Variants in SEMA5A observed in about 807,000 individuals in gnomAD.
The protein encoded by SEMA5A is semaphorin-5A.
In SEMA5A, 55 loss-of-function variants were observed where a neutral mutation model predicts 135.5. The ratio of observed to expected loss-of-function variants is 0.41; its 90% CI spans 0.33 to 0.51. The LOEUF is 0.51. Among genes scored for constraint, SEMA5A ranks in the 20% least tolerant of loss-of-function variants. The probability of loss-of-function intolerance (pLI) is 0.37; values close to 1 mark genes in which losing one functional copy is unlikely to be tolerated. For missense variants in SEMA5A, 1,290 were observed against 1,419.9 expected (o/e 0.91, Z 1.47); for synonymous variants, 580 against 546.5 (o/e 1.06, Z -0.85).
At chr5:9,459,783 G>A (rs989191964) in intron 1 of SEMA5A, among the ~76,000 whole-genome samples, 13 of 152,130 alleles carry the variant, frequency 8.5e-5, no homozygotes, top group African/African-American at 2.9e-4. Context: ...TAAATACAGA[G>A]AAAGATAAAT....
intron 10 of SEMA5A, among the ~76,000 whole-genome samples, chr5:9,193,373 A>G (rs944487431): frequency 4.6e-5 from 7 of 152,234 alleles, no homozygotes; most frequent in African/African-American, 2.4e-5. Context: ...ACAATCCACA[A>G]CAGTTTTCAT....
At chr5:9,118,175 T>C (rs754338618) in intron 15 of SEMA5A, among the ~76,000 whole-genome samples, 22 of 152,188 alleles carry the variant, frequency 1.4e-4, no homozygotes, top group Non-Finnish European at 2.5e-4. Context: ...TACATTTTAA[T>C]TAAAATGCAC....
intron 11 of SEMA5A, among the ~76,000 whole-genome samples, chr5:9,172,842 A>C (rs1744001454): frequency 6.6e-6 from 1 of 152,232 alleles, no homozygotes; most frequent in South Asian, 2.1e-4. Flanking sequence ...TTAATTCCTC[A>C]AAGAAACATA....
intron 3 of SEMA5A, among the ~76,000 whole-genome samples, chr5:9,358,367 C>T (rs1754545180): frequency 6.6e-6 from 1 of 152,172 alleles, no homozygotes; most frequent in Non-Finnish European, 1.5e-5. Flanking sequence ...CCTTGACTTC[C>T]CTTTCCTTAC....
At chr5:9,125,184 C>T (rs1741038450) in intron 13 of SEMA5A, among the ~76,000 whole-genome samples, 1 of 152,154 alleles carries the variant, frequency 6.6e-6, no homozygotes, top group South Asian at 2.1e-4. Context: ...TTATGACTAT[C>T]CCTCCTTTCT....
intron 5 of SEMA5A, among the ~76,000 whole-genome samples, chr5:9,294,693 G>T (rs1299470747): frequency 1.3e-5 from 2 of 152,116 alleles, no homozygotes; most frequent in Non-Finnish European, 2.9e-5. Context: ...TTCCCCCATG[G>T]AGAAGATAAT....
intron 16 of SEMA5A, among the ~76,000 whole-genome samples, chr5:9,089,451 C>G (rs1009350398): frequency 1.1e-4 from 17 of 152,102 alleles, no homozygotes; most frequent in African/African-American, 3.9e-4. Context: ...CAACTCCCCC[C>G]ATAAAGGCTC....
chr5:9,077,919 C>T (rs950928036), intron 16 of SEMA5A, among the ~76,000 whole-genome samples: 2 of 152,216 alleles, frequency 1.3e-5, no homozygotes, highest in African/African-American at 4.8e-5. Flanking sequence ...ATGGAACTAC[C>T]TTTCCTCCTT....
At chr5:9,253,966 A>G (rs1748930083) in intron 5 of SEMA5A, among the ~76,000 whole-genome samples, 1 of 152,216 alleles carries the variant, frequency 6.6e-6, no homozygotes, top group Non-Finnish European at 1.5e-5. Context: ...AACATCATTA[A>G]GGACATTCCT....
intron 15 of SEMA5A, among the ~76,000 whole-genome samples, chr5:9,108,746 T>C (rs1226413326): frequency 6.6e-6 from 1 of 152,174 alleles, no homozygotes; most frequent in Admixed American, 6.5e-5. Context: ...TATATTAGGA[T>C]AAGTTAAAGA....
At chr5:9,086,395 G>GT (rs1045926814) in intron 16 of SEMA5A, among the ~76,000 whole-genome samples, 7 of 150,816 alleles carry the variant, frequency 4.6e-5, no homozygotes, top group East Asian at 2.0e-4. Context: ...ATGGAGGTGG[G>GT]TTTTTTTCCT....
intron 11 of SEMA5A, among the ~76,000 whole-genome samples, chr5:9,169,998 C>A (rs531405937): frequency 6.6e-6 from 1 of 152,132 alleles, no homozygotes; most frequent in Admixed American, 6.6e-5. Flanking sequence ...TTCCTTCACC[C>A]GAGGGAAAGT....
chr5:9,402,549 A>G (rs920094942), intron 2 of SEMA5A, among the ~76,000 whole-genome samples: 3 of 152,190 alleles, frequency 2.0e-5, no homozygotes, highest in East Asian at 1.9e-4. Context: ...GAAATGATCT[A>G]CTGGTACCAT....
chr5:9,134,157 G>A (rs914706528), intron 13 of SEMA5A, among the ~76,000 whole-genome samples: 3 of 152,032 alleles, frequency 2.0e-5, no homozygotes, highest in Non-Finnish European at 2.9e-5. Context: ...ATAAATGACC[G>A]GTCTAGGTAT....
intron 1 of SEMA5A, among the ~76,000 whole-genome samples, chr5:9,535,161 G>A (rs943101673): frequency 2.0e-5 from 3 of 151,904 alleles, no homozygotes; most frequent in Non-Finnish European, 2.9e-5. Context: ...ACCTCAGGGA[G>A]CTGGAAACTC....
chr5:9,321,909 A>G (rs1471530928), intron 4 of SEMA5A, among the ~76,000 whole-genome samples: 1 of 152,144 alleles, frequency 6.6e-6, no homozygotes, highest in East Asian at 1.9e-4. Context: ...AACTTTCTTG[A>G]AAAGAAGCTT....
chr5:9,081,586 A>G (rs866746480), intron 16 of SEMA5A, among the ~76,000 whole-genome samples: 13 of 152,114 alleles, frequency 8.5e-5, no homozygotes, highest in African/African-American at 3.1e-4. Context: ...AAAAAAGATG[A>G]CCATTACTTA....
chr5:9,226,319 T>G (rs1013824001), intron 7 of SEMA5A, among the ~76,000 whole-genome samples: 1 of 152,208 alleles, frequency 6.6e-6, no homozygotes, highest in Non-Finnish European at 1.5e-5. Context: ...GCTACTGCTA[T>G]GGTGTGTGCA....
At chr5:9,073,777 A>T (rs2150086792) in intron 16 of SEMA5A, among the ~76,000 whole-genome samples, 1 of 152,316 alleles carries the variant, frequency 6.6e-6, no homozygotes, top group Non-Finnish European at 1.5e-5. Context: ...ACACAAGATC[A>T]ATGTAAATAT....
Sources: allele counts gnomAD v4.1 joint callset (sites outside exome capture counted in the v4.1 genomes callset), GRCh38; gene constraint gnomAD v4.1.1; transcripts MANE v1.5; gene names NCBI Gene and HGNC (gene_info 2026-07-23, HGNC 2026-07-21).